ITGB1BP2: variants seen among roughly 807,000 people sequenced by gnomAD.
The protein encoded by ITGB1BP2 is integrin beta-1-binding protein 2.
A neutral mutation model predicts 32.2 loss-of-function variants in ITGB1BP2; 27 were observed. The observed-to-expected ratio is 0.84, with a 90% confidence interval of 0.62 to 1.16. ITGB1BP2 has a LOEUF of 1.16. ITGB1BP2 is among the 50% of genes most tolerant of loss of function. The pLI, the probability that ITGB1BP2 is intolerant of heterozygous loss-of-function variation, is 0.00. For missense variants in ITGB1BP2, 250 were observed against 267.3 expected (o/e 0.94, Z 0.45); for synonymous variants, 105 against 94.7 (o/e 1.11, Z -0.63).
chrX:71,302,379 T>G, intron 3 of ITGB1BP2, 32 bp from the exon 4 acceptor site: 5 of 1,209,403 alleles, frequency 4.1e-6, no homozygotes, highest in Non-Finnish European at 5.6e-6. Context: ...AGAAGGATTC[T>G]ATCCCTAATC....
At position 71,305,310 on chromosome X, in the gene ITGB1BP2, A is replaced by C; in HGVS notation, c.*118A>C. On this transcript the variant is annotated 3_prime_UTR_variant, in exon 11 of 11. Transcript: ENST00000373829. ...CAGCAGGAGGCTGAAGGAGGGGAGA[A>C]CAAAATTGTCCAAACCATGCTGTTT... 5.0e-6 allele frequency: 3 copies of C among 603,872 alleles called. No individual in the cohort carries two copies. Among genetic ancestry groups the C allele is most frequent in the Non-Finnish European group, 7.6e-6 (3 of 393,588 alleles). The allele number at this position is 603,872 out of a possible 1,213,427, so 49.8% of individuals were successfully genotyped here.
chrX:71,304,413 G>A, intron 9 of ITGB1BP2, 113 bp downstream of exon 9: 1 of 867,807 alleles, frequency 1.2e-6, no homozygotes. Context: ...ACCCTTAGAG[G>A]AAAGGAGAGT....
At chrX:71,302,665 C>A (rs2031634905) in intron 4 of ITGB1BP2, 109 bp downstream of exon 4, 4 of 880,366 alleles carry the variant, frequency 4.5e-6, no homozygotes, top group African/African-American at 2.1e-5. Context: ...TGAGGAGGGC[C>A]AGATGTCAGG....
intron 10 of ITGB1BP2, 30 bp from the exon 11 acceptor site, chrX:71,304,935 T>G: frequency 8.8e-7 from 1 of 1,134,249 alleles, no homozygotes; most frequent in Non-Finnish European, 1.2e-6. Context: ...TCATTCTCTC[T>G]TTCTTCTGTT....
In ITGB1BP2 at chrX:71,302,264, C is replaced by T; in HGVS notation, c.115-13C>T. The T allele has an allele frequency of 2.5e-6, 3 of 1,210,835 alleles. No homozygotes were observed. The highest frequency in any genetic ancestry group is 2.2e-6 in the Non-Finnish European group (2 of 895,003). Reference sequence around the variant, plus strand: ...CCCAGGAAGCTAAGCTGATCTGGGTCTCTTGTTATCAGGGTTGGTCCTGCT... The same window carrying T: ...CCCAGGAAGCTAAGCTGATCTGGGTTTCTTGTTATCAGGGTTGGTCCTGCT... On this transcript the variant is annotated splice_polypyrimidine_tract_variant and intron_variant, in intron 2 of 10. Transcript: ENST00000373829.
At chrX:71,304,834 T>C (rs1602394852) in intron 10 of ITGB1BP2, 131 bp from the exon 11 acceptor site, 1 of 522,196 alleles carries the variant, frequency 1.9e-6, no homozygotes, top group Non-Finnish European at 3.2e-6. Flanking sequence ...CTTATTGTCT[T>C]ATTCCTCCCT....
intron 6 of ITGB1BP2, 49 bp from the exon 7 acceptor site, chrX:71,303,578 T>TTATA: frequency 1.3e-5 from 16 of 1,203,168 alleles, no homozygotes; most frequent in Non-Finnish European, 1.8e-5. Flanking sequence ...ATAGATAGGC[T>TTATA]GAGTAGGATA....
chrX:71,304,549 T>A lies in ITGB1BP2; in HGVS notation c.761T>A (p.Val254Asp). ...GTAATTCTTTTCTCTCAGCTTCATG[T>A]CCACATTGTCTTTGATGGTAACCGT... is the stretch of plus-strand genomic sequence containing the variant. ...WVKASQTELH[V>D]HIVFDGNRVF... Residue 254 changes from valine (V) to aspartate (D), a missense_variant, in exon 10 of 11, where the codon GTC becomes GAC. Transcript: ENST00000373829. 8.3e-7 allele frequency: 1 copy of A among 1,208,443 alleles called. No homozygotes were observed. Among genetic ancestry groups the A allele is most frequent in the East Asian group, 3.0e-5 (1 of 33,840 alleles).
In ITGB1BP2 at chrX:71,301,821, T is replaced by A; in HGVS notation, c.15T>A (p.Cys5Ter). The change falls in exon 1 of 11, where the codon TGT (cysteine) becomes TGA (stop). Residue 5 changes from cysteine (C) to a stop codon, truncating the protein, a stop_gained. Coordinates refer to ENST00000373829, the MANE Select transcript of ITGB1BP2 (RefSeq NM_012278.4). LOFTEE classifies it high-confidence loss of function. Reference sequence around the variant, plus strand: ...CCAACGCTTCCATGTCTCTACTCTGTCGTAACAAAGGCTGTGGGCAGCACT... The same window carrying A: ...CCAACGCTTCCATGTCTCTACTCTGACGTAACAAAGGCTGTGGGCAGCACT... MSLL[C>*]RNKGCGQHFD... 8.3e-7 allele frequency: 1 copy of A among 1,210,079 alleles called. No individual in the cohort carries two copies. The highest frequency in any genetic ancestry group is 1.1e-6 in the Non-Finnish European group (1 of 894,147).
At chrX:71,304,697 A>G in intron 10 of ITGB1BP2, 93 bp downstream of exon 10, 1 of 738,424 alleles carries the variant, frequency 1.4e-6, no homozygotes, top group Non-Finnish European at 2.0e-6. Context: ...AAGGAGTTGT[A>G]CTAGGAAAAT....
rs377020060 is a variant in ITGB1BP2 at position 71,305,184 on chromosome X, G to C, written c.1036G>C (p.Gly346Arg). Residue 346 changes from glycine to arginine, a missense_variant, in exon 11 of 11, where the codon GGG becomes CGG. Gly to Arg is a moderately radical substitution (Grantham distance 125). Transcript: ENST00000373829. ...GGAGGAGGAAGAGGAGGAAGCAATG[G>C]GGGAATAGTGACACCAGACAGTTGA... ...TEEEEEEEAM[G>R]E 5 of 1,191,371 alleles carry C rather than the reference G, an allele frequency of 4.2e-6. No homozygotes were observed. In the African/African-American group the frequency reaches 8.8e-5, roughly 21 times the overall value.
At position 71,303,866 on chromosome X, in the gene ITGB1BP2, G is replaced by T; in HGVS notation, c.594G>T (p.Leu198Phe). 8.3e-7 allele frequency: 1 copy of T among 1,209,431 alleles called. No homozygotes were observed. Among genetic ancestry groups the T allele is most frequent in the Non-Finnish European group, 1.1e-6 (1 of 894,453 alleles). ...GIQTLDFGAF[L>F]AQPGCRVGRH... ...AGACCCTGGATTTTGGGGCATTCTT[G>T]GCACAACCAGGGTGCAGAGTCGGTA... is the stretch of plus-strand genomic sequence containing the variant. The change falls in exon 8 of 11, where the codon TTG becomes TTT. Residue 198 changes from leucine (L) to phenylalanine (F), a missense_variant. By Grantham distance (22) the Leu-to-Phe change is conservative. Transcript: ENST00000373829.
In ITGB1BP2 at chrX:71,304,287, C is replaced by A; in HGVS notation, c.740C>A (p.Ala247Asp). The change falls in exon 9 of 11, where the codon GCC becomes GAC. Residue 247 changes from alanine (A) to aspartate (D), a missense_variant. By Grantham distance (126) the Ala-to-Asp change is moderately radical. Transcript: ENST00000373829. The part of the protein sequence containing the change: ...IPLPAFNWVK[A>D]SQTELHVHIV... Reference sequence around the variant, plus strand: ...CTTCCTGCGTTTAACTGGGTGAAGGCCAGTCAAACTGAGGTGAGCAATGAT... The same window carrying A: ...CTTCCTGCGTTTAACTGGGTGAAGGACAGTCAAACTGAGGTGAGCAATGAT... The A allele has an allele frequency of 4.2e-6, 5 of 1,185,806 alleles. No individual in the cohort carries two copies. The highest frequency in any genetic ancestry group is 5.7e-6 in the Non-Finnish European group (5 of 871,898).
In ITGB1BP2 at chrX:71,304,315, G is replaced by A; in HGVS notation, c.753+15G>A. 9.0e-7 allele frequency: 1 copy of A among 1,105,034 alleles called. No homozygotes were observed. Among genetic ancestry groups the A allele is most frequent in the Non-Finnish European group, 1.3e-6 (1 of 798,796 alleles). The allele number at this position is 1,105,034 out of a possible 1,213,427, so 91.1% of individuals were successfully genotyped here. Reference sequence around the variant, plus strand: ...GTCAAACTGAGGTGAGCAATGATCTGATGTTGGATGGGAGGATAGTCAATT... The same window carrying A: ...GTCAAACTGAGGTGAGCAATGATCTAATGTTGGATGGGAGGATAGTCAATT... On this transcript the variant is annotated intron_variant, in intron 9 of 10. Transcript: ENST00000373829.
Position 71,301,783 on chromosome X carries a change from A to G in ITGB1BP2, c.-24A>G, listed in dbSNP as rs1190008048. The G allele has an allele frequency of 2.5e-6, 3 of 1,197,409 alleles. No homozygotes were observed. Among genetic ancestry groups the G allele is most frequent in the Admixed American group, 2.2e-5 (1 of 45,830 alleles). ...GCCAGACTCCTTGAAATACCCTTTC[A>G]GTAATCATTCAACCAACGCTTCCAT... On this transcript the variant is annotated 5_prime_UTR_variant, in exon 1 of 11. Coordinates refer to ENST00000373829, the MANE Select transcript of ITGB1BP2 (RefSeq NM_012278.4).
Position 71,303,275 on chromosome X carries a change from C to T in ITGB1BP2, c.331C>T (p.Leu111=). The T allele has an allele frequency of 8.3e-7, 1 of 1,211,146 alleles. No individual in the cohort carries two copies. The highest frequency in any genetic ancestry group is 1.1e-6 in the Non-Finnish European group (1 of 895,141). The change falls in exon 5 of 11, where the codon CTG becomes TTG. Residue 111 remains leucine, a synonymous_variant. Coordinates refer to ENST00000373829, the MANE Select transcript of ITGB1BP2 (RefSeq NM_012278.4). ...RRERPKSELP[L]KLLPLNISQA... The stretch of plus-strand genomic sequence containing the variant: ...CTTAACCCCTAGGTCAGAGTTGCCT[C>T]TGAAGCTGCTGCCGCTAAATATATC...
chrX:71,304,131 C>T (rs186801586), intron 8 of ITGB1BP2, 56 bp from the exon 9 acceptor site: 8 of 942,740 alleles, frequency 8.5e-6, no homozygotes, highest in Middle Eastern at 2.6e-4. Context: ...ATCATGAGAA[C>T]TCCCCTTCAG....
chrX:71,304,520 C>T (rs760375021), intron 9 of ITGB1BP2, 22 bp from the exon 10 acceptor site: 1 of 1,195,456 alleles, frequency 8.4e-7, no homozygotes, highest in Non-Finnish European at 1.1e-6. Context: ...TTGTTACTAC[C>T]CCTGTAATTC....
Position 71,301,782 on chromosome X carries a change from C to T in ITGB1BP2, c.-25C>T. On this transcript the variant is annotated 5_prime_UTR_variant, in exon 1 of 11. Coordinates refer to ENST00000373829, the MANE Select transcript of ITGB1BP2 (RefSeq NM_012278.4). ...AGCCAGACTCCTTGAAATACCCTTT[C>T]AGTAATCATTCAACCAACGCTTCCA... The T allele has an allele frequency of 1.7e-6, 2 of 1,195,391 alleles. No individual in the cohort carries two copies. Among genetic ancestry groups the T allele is most frequent in the Non-Finnish European group, 2.3e-6 (2 of 880,978 alleles).
Sources: allele counts gnomAD v4.1 joint callset, GRCh38; gene constraint gnomAD v4.1.1; transcripts MANE v1.5; gene names NCBI Gene and HGNC (gene_info 2026-07-23, HGNC 2026-07-21).